Variants in PAXIP1 observed in about 807,000 individuals in gnomAD.
PAXIP1 encodes the protein PAX-interacting protein 1.
A neutral mutation model predicts 140.6 loss-of-function variants in PAXIP1; 19 were observed. That is an observed-to-expected ratio of 0.14 (90% CI 0.09 to 0.20). The LOEUF is 0.20. Ranked by LOEUF, PAXIP1 falls within the 10% of genes least tolerant of loss-of-function variation. The pLI, the probability that PAXIP1 is intolerant of heterozygous loss-of-function variation, is 1.00. For synonymous variants in PAXIP1, 442 were observed against 444.6 expected, an observed-to-expected ratio of 0.99 and a Z score of 0.07; for missense variants, 920 against 1,208.6, an observed-to-expected ratio of 0.76 and a Z score of 3.54.
intron 20 of PAXIP1, chr7:154,945,367 A>C (rs1225912045): frequency 1.9e-5 from 4 of 211,120 alleles, no homozygotes; most frequent in African/African-American, 9.4e-5. Context: ...TAGCGTTAAG[A>C]GGAAAATGTT....
At chr7:154,991,173 A>G (rs1320849538) in intron 3 of PAXIP1, 104 bp from the exon 4 acceptor site, 1 of 584,860 alleles carries the variant, frequency 1.7e-6, no homozygotes, top group Non-Finnish European at 3.0e-6. Context: ...TCCATTTAAG[A>G]AAGAGACAGA....
In PAXIP1 at chr7:154,959,873, T is replaced by C. The variant is rs747020691; in HGVS notation, c.2478+17A>G. 1.3e-6 allele frequency: 2 copies of C among 1,546,840 alleles called. No homozygotes were observed. The highest frequency in any genetic ancestry group is 1.8e-6 in the Non-Finnish European group (2 of 1,119,192). The stretch of plus-strand genomic sequence containing the variant: ...TAATACAGTAATAGCCAAGGTAAGG[T>C]TATTAATTTGACATACCATCAACAA... On this transcript the variant is annotated intron_variant, in intron 13 of 20. Coordinates refer to ENST00000404141, the MANE Select transcript of PAXIP1 (RefSeq NM_007349.4).
At chr7:154,961,781 A>C (rs1808764999) in intron 10 of PAXIP1, 133 bp from the exon 11 acceptor site, 2 of 781,688 alleles carry the variant, frequency 2.6e-6, no homozygotes, top group African/African-American at 3.5e-5. Context: ...ATTTGGTAAT[A>C]TCATTCCTAA....
intron 20 of PAXIP1, chr7:154,945,870 T>A: frequency 1.0e-6 from 1 of 985,324 alleles, no homozygotes; most frequent in East Asian, 1.1e-4. Flanking sequence ...AAAGCCTAGG[T>A]GTCAATATTC....
At chr7:154,969,381 C>T (rs1257452888) in intron 6 of PAXIP1, among the ~76,000 whole-genome samples, 3 of 152,198 alleles carry the variant, frequency 2.0e-5, no homozygotes, top group South Asian at 4.1e-4. Flanking sequence ...AGTAAACTAA[C>T]GAATTAAAGT....
intron 17 of PAXIP1, 136 bp downstream of exon 17, chr7:154,947,767 C>A (rs900887665): frequency 1.4e-6 from 1 of 698,088 alleles, no homozygotes; most frequent in African/African-American, 1.8e-5. Context: ...AAGAAGGAAG[C>A]CAAGAGGTAA....
intron 6 of PAXIP1, among the ~76,000 whole-genome samples, chr7:154,972,919 T>C (rs1809394642): frequency 6.6e-6 from 1 of 152,362 alleles, no homozygotes. Context: ...CTACCTGTCA[T>C]GACATCCTCT....
At chr7:154,967,549 C>T (rs1296946182) in intron 8 of PAXIP1, 1 of 353,828 alleles carries the variant, frequency 2.8e-6, no homozygotes, top group Admixed American at 4.4e-5. Flanking sequence ...TCCATTGCCC[C>T]AATTATACAC....
At chr7:154,981,859 T>A (rs1809856453) in intron 5 of PAXIP1, among the ~76,000 whole-genome samples, 2 of 152,174 alleles carry the variant, frequency 1.3e-5, no homozygotes, top group African/African-American at 4.8e-5. Context: ...TACTTTAAAA[T>A]ATATACTCTA....
intron 4 of PAXIP1, chr7:154,985,876 C>T: frequency 2.0e-6 from 1 of 498,360 alleles, no homozygotes; most frequent in South Asian, 1.9e-5. Flanking sequence ...GCACCTAGTA[C>T]AGTGCAAGGC....
At chr7:154,947,037 G>C in intron 17 of PAXIP1, 1 of 419,182 alleles carries the variant, frequency 2.4e-6, no homozygotes. Context: ...GCCTGAAGAT[G>C]ATTTAAAGTA....
chr7:154,949,077 TCCG>T (rs1249805642), intron 16 of PAXIP1: 1 of 152,184 alleles, frequency 6.6e-6, no homozygotes, highest in East Asian at 1.9e-4. Context: ...CCATTTCTCC[TCCG>T]CCGCCATTTC....
rs200374534 is a variant in PAXIP1, at chr7:154,961,672, G to A, written c.2128-24C>T. 11 of 1,553,920 alleles carry A rather than the reference G, an allele frequency of 7.1e-6. No homozygotes were observed. The East Asian group carries it at 2.5e-4, about 36-fold the overall frequency. ...ATCTAAGAAAAAAAGAGAAAATAAG[G>A]TAAACACAAAATAAGCAAAAAACCA... On this transcript the variant is annotated intron_variant, in intron 10 of 20. Coordinates refer to ENST00000404141, the MANE Select transcript of PAXIP1 (RefSeq NM_007349.4).
intron 20 of PAXIP1, chr7:154,945,051 G>A (rs1054032521): frequency 1.0e-4 from 15 of 148,600 alleles, no homozygotes; most frequent in Admixed American, 6.1e-4. Context: ...GCAATGGCGC[G>A]ATATTGGCTC....
At chr7:154,995,922 T>C (rs1009308416) in intron 2 of PAXIP1, among the ~76,000 whole-genome samples, 1 of 152,198 alleles carries the variant, frequency 6.6e-6, no homozygotes, top group African/African-American at 2.4e-5. Flanking sequence ...GAGAAAAATA[T>C]CTCAATTTAA....
Position 154,967,926 on chromosome 7 carries a change from A to AT in PAXIP1, c.1799-17dup, listed in dbSNP as rs779207145. Reference sequence around the variant, plus strand: ...TCTTCTGGAACTAGAGTAAAATTACATAAGAAAAAGAAAATTAAAACCCTA... The same window carrying AT: ...TCTTCTGGAACTAGAGTAAAATTACATTAAGAAAAAGAAAATTAAAACCCTA... On this transcript the variant is annotated splice_polypyrimidine_tract_variant and intron_variant, in intron 7 of 20. Coordinates refer to ENST00000404141, the MANE Select transcript of PAXIP1 (RefSeq NM_007349.4). The AT allele has an allele frequency of 3.2e-6, 5 of 1,572,498 alleles. No homozygotes were observed. In the South Asian group the frequency reaches 5.7e-5, roughly 18 times the overall value.
chr7:154,994,649 T>A (rs1187865146), intron 2 of PAXIP1, among the ~76,000 whole-genome samples: 1 of 152,194 alleles, frequency 6.6e-6, no homozygotes, highest in South Asian at 2.1e-4. Context: ...ACACCTTAAA[T>A]AAATTTCAGA....
chr7:154,968,118 C>CA (rs1809104830), intron 7 of PAXIP1, among the ~76,000 whole-genome samples: 2 of 152,106 alleles, frequency 1.3e-5, no homozygotes, highest in Non-Finnish European at 2.9e-5. Flanking sequence ...AAACTAAAAC[C>CA]AAGGTAACTC....
chr7:154,996,353 T>C (rs528127421), intron 2 of PAXIP1, among the ~76,000 whole-genome samples: 5 of 152,202 alleles, frequency 3.3e-5, no homozygotes, highest in Non-Finnish European at 7.3e-5. Flanking sequence ...AGATGAAATA[T>C]GTCTGTCACT....
Sources: allele counts gnomAD v4.1 joint callset (sites outside exome capture counted in the v4.1 genomes callset), GRCh38; gene constraint gnomAD v4.1.1; transcripts MANE v1.5; gene names NCBI Gene and HGNC (gene_info 2026-07-23, HGNC 2026-07-21).